Variants in ARHGAP15 observed in about 807,000 individuals in gnomAD.
The protein encoded by ARHGAP15 is Rho GTPase activating protein 15, also known as rho GTPase-activating protein 15.
ARHGAP15 carries 51 observed loss-of-function variants against 63.7 expected under a neutral mutation model. The ratio of observed to expected loss-of-function variants is 0.80; its 90% CI spans 0.64 to 1.01. The LOEUF is 1.01. Ranked by LOEUF, ARHGAP15 falls within the 50% of genes least tolerant of loss-of-function variation. The probability of loss-of-function intolerance (pLI) is 0.00; values close to 1 mark genes in which losing one functional copy is unlikely to be tolerated. For synonymous variants in ARHGAP15, 191 were observed against 193.8 expected (o/e 0.99, Z 0.12); for missense variants, 560 against 564.6 (o/e 0.99, Z 0.08).
intron 11 of ARHGAP15, among the ~76,000 whole-genome samples, chr2:143,606,035 C>CAAAAAAAAAAAAAAAAAAAAAAAAAAAAA (rs869266541): frequency 4.4e-5 from 1 of 22,874 alleles, no homozygotes; most frequent in Non-Finnish European, 7.0e-5. Flanking sequence ...GACTCTGTCT[C>CAAAAAAAAAAAAAAAAAAAAAAAAAAAAA]AAAAAAAAAA....
chr2:143,216,258 A>AT (rs1490788565), intron 3 of ARHGAP15, 126 bp from the exon 4 acceptor site: 6 of 663,858 alleles, frequency 9.0e-6, no homozygotes, highest in Non-Finnish European at 1.6e-5. Context: ...CTATATATGC[A>AT]TTATTAATAA....
intron 11 of ARHGAP15, among the ~76,000 whole-genome samples, chr2:143,606,090 C>T (rs12992706): frequency 0.16 from 20,143 of 127,604 alleles, 2,283 homozygotes; most frequent in Admixed American, 0.2. Flanking sequence ...CTGTCTCTTT[C>T]GCTACCTGTG....
At chr2:143,509,998 G>A (rs13023244) in intron 9 of ARHGAP15, among the ~76,000 whole-genome samples, 51,089 of 124,594 alleles carry the variant, frequency 0.41, 10,188 homozygotes, top group Middle Eastern at 0.58. Flanking sequence ...CCAGCCTGGC[G>A]ACAGAGTAAG....
At chr2:143,191,754 A>T (rs1691691237) in intron 2 of ARHGAP15, among the ~76,000 whole-genome samples, 1 of 152,116 alleles carries the variant, frequency 6.6e-6, no homozygotes, top group Non-Finnish European at 1.5e-5. Flanking sequence ...GAAACTCCTA[A>T]CTCCCAATTT....
At chr2:143,543,287 G>A (rs1384775799) in intron 10 of ARHGAP15, among the ~76,000 whole-genome samples, 2 of 152,110 alleles carry the variant, frequency 1.3e-5, no homozygotes, top group Non-Finnish European at 2.9e-5. Flanking sequence ...GCATGTATCT[G>A]ATGATTAGTG....
intron 3 of ARHGAP15, among the ~76,000 whole-genome samples, chr2:143,211,578 C>T (rs1331998357): frequency 6.6e-6 from 1 of 151,894 alleles, no homozygotes; most frequent in South Asian, 2.1e-4. Context: ...TATAGTGGCC[C>T]AGGGTTGTAG....
At chr2:143,626,264 G>T (rs889469412) in intron 12 of ARHGAP15, among the ~76,000 whole-genome samples, 2 of 152,190 alleles carry the variant, frequency 1.3e-5, no homozygotes, top group African/African-American at 4.8e-5. Context: ...CACAAACAGT[G>T]CTAAAAGTGT....
At chr2:143,381,852 T>TA (rs1260449081) in intron 6 of ARHGAP15, among the ~76,000 whole-genome samples, 9 of 152,300 alleles carry the variant, frequency 5.9e-5, no homozygotes, top group Non-Finnish European at 1.3e-4. Context: ...TTAGATTTTT[T>TA]AAAAAAAGCA....
At chr2:143,569,707 CTATT>C (rs544454311) in intron 11 of ARHGAP15, among the ~76,000 whole-genome samples, 53 of 152,162 alleles carry the variant, frequency 3.5e-4, no homozygotes, top group African/African-American at 1.2e-3. Flanking sequence ...TTAGCTGAAC[CTATT>C]TATTTATTTG....
At chr2:143,550,827 T>A (rs6731747) in intron 10 of ARHGAP15, among the ~76,000 whole-genome samples, 124,426 of 152,154 alleles carry the variant, frequency 0.82, 50,987 homozygotes, top group South Asian at 0.84. Context: ...TAGATAAGTC[T>A]CAAAATAGTT....
chr2:143,533,184 T>C (rs1694594053), intron 10 of ARHGAP15: 1 of 152,218 alleles, frequency 6.6e-6, no homozygotes, highest in South Asian at 2.1e-4. Flanking sequence ...TTTTCACTTG[T>C]TGAATGTTGA....
intron 6 of ARHGAP15, among the ~76,000 whole-genome samples, chr2:143,264,867 A>G (rs758932153): frequency 6.6e-6 from 1 of 152,158 alleles, no homozygotes; most frequent in Non-Finnish European, 1.5e-5. Context: ...GTCAGCTTCT[A>G]ATAATTAATT....
At chr2:143,160,744 C>T (rs949625200) in intron 2 of ARHGAP15, among the ~76,000 whole-genome samples, 1 of 151,928 alleles carries the variant, frequency 6.6e-6, no homozygotes, top group Non-Finnish European at 1.5e-5. Context: ...GATTCAAAAA[C>T]CACTGGAGAT....
chr2:143,755,221 T>C (rs1686529598), intron 13 of ARHGAP15, among the ~76,000 whole-genome samples: 1 of 148,070 alleles, frequency 6.8e-6, no homozygotes. Context: ...CCTTTTTTGG[T>C]ATAAAATCTT....
At chr2:143,479,299 C>T (rs1206834563) in intron 8 of ARHGAP15, among the ~76,000 whole-genome samples, 2 of 151,010 alleles carry the variant, frequency 1.3e-5, no homozygotes, top group African/African-American at 4.9e-5. Context: ...GAGGCTATCA[C>T]CTCTCTGGTG....
At position 143,417,319 on chromosome 2, in the gene ARHGAP15, A is replaced by G. The variant is rs1230379468; in HGVS notation, c.475-18282A>G. 3.9e-5 allele frequency among the ~76,000 whole-genome samples: 6 copies of G among 152,178 alleles called. No homozygotes were observed. In the East Asian group the frequency reaches 1.2e-3, roughly 29 times the overall value. ...GGAGATATACCACACATGCTTATGC[A>G]TAGGTGTGAACGGTTACACATACTT... On this transcript the variant is annotated intron_variant, in intron 6 of 13. Coordinates refer to ENST00000295095, the MANE Select transcript of ARHGAP15 (RefSeq NM_018460.4).
intron 2 of ARHGAP15, among the ~76,000 whole-genome samples, chr2:143,165,599 C>A (rs1307806123): frequency 6.6e-6 from 1 of 152,004 alleles, no homozygotes; most frequent in Non-Finnish European, 1.5e-5. Context: ...AGCTGATATT[C>A]TGTACTTAAA....
chr2:143,239,623 A>T (rs1036621831), intron 5 of ARHGAP15, among the ~76,000 whole-genome samples: 1 of 152,218 alleles, frequency 6.6e-6, no homozygotes, highest in South Asian at 2.1e-4. Context: ...AATGGGCAAC[A>T]TAAAAGGCCT....
chr2:143,747,068 T>C (rs1686194138), intron 13 of ARHGAP15, among the ~76,000 whole-genome samples: 1 of 151,948 alleles, frequency 6.6e-6, no homozygotes, highest in African/African-American at 2.4e-5. Flanking sequence ...GAATCACCAC[T>C]GGGGCCTGTC....
Sources: gnomAD v4.1 joint callset for allele counts (sites outside exome capture counted in the v4.1 genomes callset) on GRCh38, gnomAD v4.1.1 for gene constraint, MANE v1.5 for transcripts, NCBI Gene and HGNC (gene_info 2026-07-23, HGNC 2026-07-21) for gene names.